The following HS3ST4 variants were observed in gnomAD, a reference collection of about 807,000 sequenced individuals.
HS3ST4 encodes heparan sulfate glucosamine 3-O-sulfotransferase 4.
Under a neutral mutation model 29.2 loss-of-function variants are expected in HS3ST4, and 17 were observed. That is an observed-to-expected ratio of 0.58 (90% CI 0.40 to 0.87). HS3ST4 has a LOEUF of 0.87. Among genes scored for constraint, HS3ST4 ranks in the 40% least tolerant of loss-of-function variants. HS3ST4 has a pLI of 0.00. For synonymous variants in HS3ST4, 314 were observed against 285.7 expected (o/e 1.10, Z -1.00); for missense variants, 627 against 634.5 (o/e 0.99, Z 0.13).
intron 1 of HS3ST4, among the ~76,000 whole-genome samples, chr16:25,744,149 A>G (rs1966671484): frequency 6.6e-6 from 1 of 152,196 alleles, no homozygotes; most frequent in Non-Finnish European, 1.5e-5. Context: ...CTTATCGTCT[A>G]CCTTTATTAA....
In HS3ST4 at chr16:25,869,677, G is replaced by C. The variant is rs540678489; in HGVS notation, c.734+176526G>C. Among the ~76,000 whole-genome samples the C allele has an allele frequency of 5.9e-5, 9 of 152,200 alleles. No homozygotes were observed. The South Asian group carries it at 1.7e-3, about 28-fold the overall frequency. On this transcript the variant is annotated intron_variant, in intron 1 of 1. Coordinates refer to ENST00000331351, the MANE Select transcript of HS3ST4 (RefSeq NM_006040.3). ...TTTATTGAGTCATCATCTGTTCCAA[G>C]CCTAGTATCAATTCATATGATCCTC...
rs147843856 is a variant in HS3ST4 at position 25,891,247 on chromosome 16, G to A, written c.734+198096G>A. 1.4e-3 allele frequency among the ~76,000 whole-genome samples: 206 copies of A among 152,274 alleles called. 1 individual carries two copies. The highest frequency in any genetic ancestry group is 2.2e-3 in the Non-Finnish European group (148 of 68,024). On this transcript the variant is annotated intron_variant, in intron 1 of 1. Transcript: ENST00000331351. ...ATAGACTGGGTATATATAAGGTTGC[G>A]GATAGGAGATGATATTCCAGTTACT... is the stretch of plus-strand genomic sequence containing the variant.
At chr16:25,990,104 T>A (rs529998226) in intron 1 of HS3ST4, among the ~76,000 whole-genome samples, 117 of 152,342 alleles carry the variant, frequency 7.7e-4, no homozygotes, top group African/African-American at 2.8e-3. Context: ...TCTCAGCTCA[T>A]TTCTTTTTAG....
chr16:25,809,399 C>T (rs534778431), intron 1 of HS3ST4, among the ~76,000 whole-genome samples: 2 of 152,268 alleles, frequency 1.3e-5, no homozygotes, highest in African/African-American at 4.8e-5. Flanking sequence ...CCCACTTGGT[C>T]ATGATACATT....
intron 1 of HS3ST4, among the ~76,000 whole-genome samples, chr16:25,965,380 C>T (rs952808736): frequency 1.7e-5 from 2 of 119,810 alleles, no homozygotes; most frequent in African/African-American, 3.4e-5. Flanking sequence ...CATTGGGTGA[C>T]AAGAGTGAAA....
rs530957576 is a variant in HS3ST4, at chr16:25,980,707, A to G, written c.735-154905A>G. On this transcript the variant is annotated intron_variant, in intron 1 of 1. Transcript: ENST00000331351. ...CTTAAAATGCACCCAGATTTGTTTT[A>G]ATCAGGTATGATAAAACACAGACAA... Among the ~76,000 whole-genome samples, 33 of 152,204 alleles carry G rather than the reference A, an allele frequency of 2.2e-4. 1 individual carries two copies. Among genetic ancestry groups the G allele is most frequent in the Non-Finnish European group, 3.8e-4 (26 of 68,044 alleles).
intron 1 of HS3ST4, among the ~76,000 whole-genome samples, chr16:26,123,158 A>T (rs1899299411): frequency 1.3e-5 from 2 of 152,130 alleles, no homozygotes; most frequent in South Asian, 4.2e-4. Context: ...TAGCAGTGAT[A>T]ACATGAGGGA....
rs567742562 is a variant in HS3ST4, at chr16:25,945,747, C to T, written c.735-189865C>T. Among the ~76,000 whole-genome samples, 8 of 152,236 alleles carry T rather than the reference C, an allele frequency of 5.3e-5. No individual in the cohort carries two copies. The South Asian group carries it at 1.5e-3, about 28-fold the overall frequency. On this transcript the variant is annotated intron_variant, in intron 1 of 1. Transcript: ENST00000331351. ...CCCTGGCACTCTACTTGCCTACTGC[C>T]CATTTTCCAAAACTCAGTTTCTCCA...
At chr16:25,954,101 A>G (rs1968705321) in intron 1 of HS3ST4, among the ~76,000 whole-genome samples, 1 of 152,230 alleles carries the variant, frequency 6.6e-6, no homozygotes, top group Non-Finnish European at 1.5e-5. Flanking sequence ...CTACAGACCA[A>G]GAGGTTGAGC....
At position 25,785,315 on chromosome 16, in the gene HS3ST4, A is replaced by G. The variant is rs114303236; in HGVS notation, c.734+92164A>G. ...TTGGACTTCCAAGTCTTATTATTAA[A>G]AAGGTCACTCAGCTAGAGATGAGTG... On this transcript the variant is annotated intron_variant, in intron 1 of 1. Coordinates refer to ENST00000331351, the MANE Select transcript of HS3ST4 (RefSeq NM_006040.3). Among the ~76,000 whole-genome samples the G allele has an allele frequency of 1.6e-3, 245 of 152,312 alleles. 2 individuals are homozygous for G. Among genetic ancestry groups the G allele is most frequent in the Middle Eastern group, 0.01 (3 of 294 alleles).
At chr16:25,814,900 T>C (rs1967078289) in intron 1 of HS3ST4, among the ~76,000 whole-genome samples, 1 of 152,226 alleles carries the variant, frequency 6.6e-6, no homozygotes, top group African/African-American at 2.4e-5. Flanking sequence ...GAGACGCATC[T>C]TCATGCTAGG....
chr16:25,884,621 A>C (rs1035927639), intron 1 of HS3ST4, among the ~76,000 whole-genome samples: 1 of 152,086 alleles, frequency 6.6e-6, no homozygotes, highest in African/African-American at 2.4e-5. Context: ...GCTGGAGTGC[A>C]ATGGCGTGAT....
intron 1 of HS3ST4, among the ~76,000 whole-genome samples, chr16:25,873,733 T>C (rs1967796387): frequency 6.6e-6 from 1 of 151,334 alleles, no homozygotes; most frequent in Admixed American, 6.6e-5. Flanking sequence ...TCCATCCAGC[T>C]AGCAAGCCAT....
At chr16:25,870,814 A>G (rs1967743606) in intron 1 of HS3ST4, among the ~76,000 whole-genome samples, 1 of 152,206 alleles carries the variant, frequency 6.6e-6, no homozygotes, top group Non-Finnish European at 1.5e-5. Flanking sequence ...CCCAAGGACC[A>G]AGATGGTAGT....
At chr16:25,881,549 G>T (rs914111026) in intron 1 of HS3ST4, among the ~76,000 whole-genome samples, 2 of 152,190 alleles carry the variant, frequency 1.3e-5, no homozygotes, top group African/African-American at 4.8e-5. Flanking sequence ...GCAAACTCCA[G>T]GTGAAGTGGT....
intron 1 of HS3ST4, among the ~76,000 whole-genome samples, chr16:25,997,405 C>T (rs770974977): frequency 3.9e-5 from 6 of 152,102 alleles, no homozygotes; most frequent in Non-Finnish European, 5.9e-5. Context: ...GAAATCTTTT[C>T]GTGGGCAAAT....
At chr16:25,765,144 C>T (rs1015741300) in intron 1 of HS3ST4, among the ~76,000 whole-genome samples, 8 of 152,224 alleles carry the variant, frequency 5.3e-5, no homozygotes, top group Admixed American at 1.3e-4. Flanking sequence ...AGACCACAGC[C>T]ACTGGGCTTC....
chr16:25,774,303 G>A (rs959778320), intron 1 of HS3ST4, among the ~76,000 whole-genome samples: 5 of 152,160 alleles, frequency 3.3e-5, no homozygotes, highest in African/African-American at 1.2e-4. Flanking sequence ...TATGTGCCAG[G>A]CACTTCCTTA....
At chr16:25,841,627 AATATTTTATTCCTTC>A (rs1967414017) in intron 1 of HS3ST4, among the ~76,000 whole-genome samples, 1 of 152,098 alleles carries the variant, frequency 6.6e-6, no homozygotes, top group South Asian at 2.1e-4. Context: ...ATAATCTTCT[AATATTTTATTCCTTC>A]AGATTTTATT....
Sources: allele counts gnomAD v4.1 joint callset (sites outside exome capture counted in the v4.1 genomes callset), GRCh38; gene constraint gnomAD v4.1.1; transcripts MANE v1.5; gene names NCBI Gene and HGNC (gene_info 2026-07-23, HGNC 2026-07-21).